CDC14B: variants seen among roughly 807,000 people sequenced by gnomAD.
CDC14B encodes the protein cell division cycle 14B.
In CDC14B, 22 loss-of-function variants were observed where a neutral mutation model predicts 64.2. The ratio of observed to expected loss-of-function variants is 0.34; its 90% CI spans 0.24 to 0.49. The LOEUF is 0.49. CDC14B is among the 20% of genes least tolerant of loss of function. CDC14B has a pLI of 0.99. For synonymous variants in CDC14B, 191 were observed against 215.8 expected, an observed-to-expected ratio of 0.89 and a Z score of 1.01; for missense variants, 498 against 629.9, an observed-to-expected ratio of 0.79 and a Z score of 2.24.
rs16911263 is a variant in CDC14B, at chr9:96,555,800, T to C, written c.421-3928A>G. Among the ~76,000 whole-genome samples, 1,080 of 152,282 alleles carry C rather than the reference T, an allele frequency of 7.1e-3. 10 individuals are homozygous for C. The highest frequency in any genetic ancestry group is 0.025 in the African/African-American group (1,034 of 41,562). ...TTTCAAAGTCATGGCACAAAGTTCT[T>C]TTTTTGCTGAACAATACCTCAACCA... On this transcript the variant is annotated intron_variant, in intron 4 of 13. Coordinates refer to ENST00000375241, the MANE Select transcript of CDC14B (RefSeq NM_033331.4).
At chr9:96,615,397 G>A (rs891119096) in intron 1 of CDC14B, among the ~76,000 whole-genome samples, 3 of 152,130 alleles carry the variant, frequency 2.0e-5, no homozygotes, top group African/African-American at 7.2e-5. Flanking sequence ...CAAAAATAGG[G>A]ATTAAGCATC....
In CDC14B at chr9:96,610,646, C is replaced by G. The variant is rs532779340; in HGVS notation, c.160+8573G>C. 5.9e-4 allele frequency among the ~76,000 whole-genome samples: 81 copies of G among 136,268 alleles called. 2 individuals are homozygous for G. The highest frequency in any genetic ancestry group is 2.5e-3 in the African/African-American group (80 of 31,976). The allele number at this position is 136,268 out of a possible 152,430, so 89.4% of individuals were successfully genotyped here. A position where few individuals can be genotyped will look rare whatever the true frequency, so the allele number is the denominator to read the frequency against. ...TAAATGTCTAGAAAGAACTAAATGA[C>G]CACAAAAAAAAAAAAACAGGAGTAG... On this transcript the variant is annotated intron_variant, in intron 1 of 13. Coordinates refer to ENST00000375241, the MANE Select transcript of CDC14B (RefSeq NM_033331.4).
intron 5 of CDC14B, among the ~76,000 whole-genome samples, chr9:96,549,867 T>C (rs776867085): frequency 1.2e-4 from 18 of 152,232 alleles, no homozygotes; most frequent in Non-Finnish European, 2.6e-4. Context: ...AGCAAGGCAG[T>C]AAGCAATGCT....
intron 10 of CDC14B, 71 bp from the exon 11 acceptor site, chr9:96,523,491 T>C: frequency 6.2e-7 from 1 of 1,601,980 alleles, no homozygotes; most frequent in Non-Finnish European, 8.5e-7. Context: ...CCTACCAGAT[T>C]ATCTGTTGTT....
At chr9:96,508,949 G>A (rs1834550994) in intron 13 of CDC14B, among the ~76,000 whole-genome samples, 1 of 152,182 alleles carries the variant, frequency 6.6e-6, no homozygotes, top group African/African-American at 2.4e-5. Context: ...TTTACCAGGA[G>A]GACAGAAACA....
At chr9:96,528,543 G>A (rs7031852) in intron 9 of CDC14B, among the ~76,000 whole-genome samples, 4 of 137,500 alleles carry the variant, frequency 2.9e-5, no homozygotes, top group African/African-American at 1.4e-4. Context: ...AAAAAAAGAA[G>A]AAGAAGAAGA....
chr9:96,555,065 T>C (rs977813321), intron 4 of CDC14B, among the ~76,000 whole-genome samples: 1 of 152,164 alleles, frequency 6.6e-6, no homozygotes, highest in African/African-American at 2.4e-5. Context: ...AAACAACAAA[T>C]GATGACCAAG....
chr9:96,608,792 A>G (rs190077920), intron 1 of CDC14B, among the ~76,000 whole-genome samples: 138 of 152,120 alleles, frequency 9.1e-4, no homozygotes, highest in African/African-American at 3.1e-3. Flanking sequence ...ATGTATTTTA[A>G]TAGAGATAGG....
Position 96,493,912 on chromosome 9 carries a change from G to A in CDC14B, c.*81-660C>T, listed in dbSNP as rs190009111. 1.6e-3 allele frequency among the ~76,000 whole-genome samples: 247 copies of A among 152,232 alleles called. 1 individual carries two copies. The highest frequency in any genetic ancestry group is 5.3e-3 in the African/African-American group (219 of 41,546). ...ATGCTGATCACCACCTCATCCCCGC[G>A]CTCCCAGGACTCGCGCTGCCTCCAG... On this transcript the variant is annotated intron_variant and NMD_transcript_variant, in intron 13 of 13. Coordinates refer to the CDC14B transcript ENST00000474602.
chr9:96,499,663 G>A (rs1011855834), downstream of CDC14B, among the ~76,000 whole-genome samples: 1 of 152,218 alleles, frequency 6.6e-6, no homozygotes, highest in African/African-American at 2.4e-5. Context: ...CTAACTTCCA[G>A]ATTCAAACAC....
intron 6 of CDC14B, among the ~76,000 whole-genome samples, chr9:96,540,500 G>C (rs1476454305): frequency 6.7e-6 from 1 of 150,014 alleles, no homozygotes; most frequent in Non-Finnish European, 1.5e-5. Flanking sequence ...GAGCATAGCA[G>C]AAAAAATGAA....
intron 1 of CDC14B, among the ~76,000 whole-genome samples, chr9:96,600,347 G>T (rs1588057844): frequency 6.6e-6 from 1 of 152,036 alleles, no homozygotes. Flanking sequence ...GAACTGGACA[G>T]ATGAGGGCAA....
chr9:96,537,494 G>A (rs1215504736), intron 7 of CDC14B, among the ~76,000 whole-genome samples: 1 of 152,194 alleles, frequency 6.6e-6, no homozygotes, highest in Non-Finnish European at 1.5e-5. Context: ...AGTCAGGCCA[G>A]TGAGAGGCAT....
downstream of CDC14B, chr9:96,496,234 A>G (rs971215102): frequency 4.2e-6 from 2 of 474,930 alleles, no homozygotes; most frequent in Non-Finnish European, 8.4e-6. Flanking sequence ...TTGCACCTGG[A>G]GAGAACTTGC....
intron 13 of CDC14B, among the ~76,000 whole-genome samples, chr9:96,508,104 C>A (rs973176940): frequency 2.6e-5 from 4 of 151,996 alleles, no homozygotes; most frequent in Non-Finnish European, 4.4e-5. Context: ...AAACCTCCGC[C>A]TCCCATGTTT....
chr9:96,555,262 G>C (rs2132122077), intron 4 of CDC14B, among the ~76,000 whole-genome samples: 1 of 152,284 alleles, frequency 6.6e-6, no homozygotes, highest in South Asian at 2.1e-4. Context: ...CTCCTGTCAT[G>C]CTTTCTCTTA....
rs1181806170 is a variant in CDC14B at position 96,533,991 on chromosome 9, G to C, written c.882C>G (p.Ala294=). The change falls in exon 9 of 14, where the codon GCC becomes GCG. Residue 294 remains alanine (A), a synonymous_variant. Transcript: ENST00000375241. ...AGATATCTAGGAATTCTTTGACAAT[G>C]GCATCAGTAGGGGTGCTGCCATCCG... ...FFADGSTPTD[A]IVKEFLDICE... 6.2e-7 allele frequency: 1 copy of C among 1,613,036 alleles called. No homozygotes were observed. The highest frequency in any genetic ancestry group is 8.5e-7 in the Non-Finnish European group (1 of 1,179,462).
rs1442810708 is a variant in CDC14B, at chr9:96,501,188, C to T, written c.*2565G>A. On this transcript the variant is annotated 3_prime_UTR_variant, in exon 14 of 14. Transcript: ENST00000375241. ...ACTTCTAGGAACCCAGTTTTGCAGA[C>T]GCTCTTCCTCCGGACTGTCCCTGAC... 1 of 152,232 alleles carries T rather than the reference C, an allele frequency of 6.6e-6. No homozygotes were observed. The highest frequency in any genetic ancestry group is 2.4e-5 in the African/African-American group (1 of 41,458). The allele number at this position is 152,232 out of a possible 1,614,324, so 9.4% of individuals were successfully genotyped here.
At chr9:96,516,423 A>C (rs1835674716) in intron 12 of CDC14B, among the ~76,000 whole-genome samples, 1 of 151,898 alleles carries the variant, frequency 6.6e-6, no homozygotes, top group African/African-American at 2.4e-5. Context: ...TTCCACACTC[A>C]TTTTCCTCAT....
Sources: allele counts gnomAD v4.1 joint callset (sites outside exome capture counted in the v4.1 genomes callset), GRCh38; gene constraint gnomAD v4.1.1; transcripts MANE v1.5; gene names NCBI Gene and HGNC (gene_info 2026-07-23, HGNC 2026-07-21).